PGM2: variants seen among roughly 807,000 people sequenced by gnomAD.
PGM2 encodes phosphopentomutase.
PGM2 carries 57 observed loss-of-function variants against 74.6 expected under a neutral mutation model. The observed-to-expected ratio is 0.76, with a 90% CI of 0.62 to 0.95. The LOEUF (loss-of-function observed/expected upper bound fraction) is 0.95. Ranked by LOEUF, PGM2 falls within the 40% of genes least tolerant of loss-of-function variation. PGM2 has a pLI of 0.00. For synonymous variants in PGM2, 273 were observed against 260.7 expected, an observed-to-expected ratio of 1.05 and a Z score of -0.46; for missense variants, 706 against 741.9, an observed-to-expected ratio of 0.95 and a Z score of 0.56.
intron 7 of PGM2, 24 bp from the exon 8 acceptor site, chr4:37,845,609 T>A: frequency 6.8e-7 from 1 of 1,481,328 alleles, no homozygotes; most frequent in Non-Finnish European, 9.4e-7. Context: ...TTAAATAATC[T>A]TTTATTTTCA....
At chr4:37,853,628 C>T (rs376957385) in intron 12 of PGM2, among the ~76,000 whole-genome samples, 1 of 152,094 alleles carries the variant, frequency 6.6e-6, no homozygotes, top group East Asian at 1.9e-4. Context: ...ACATACTTCA[C>T]TCAGAGGATA....
At chr4:37,830,160 C>T (rs755451900) in intron 2 of PGM2, 29 bp downstream of exon 2, 1 of 1,416,342 alleles carries the variant, frequency 7.1e-7, no homozygotes, top group Non-Finnish European at 9.5e-7. Context: ...TTCTTAGTAA[C>T]TCAATGTATC....
rs1447990329 is a variant in PGM2 at position 37,861,654 on chromosome 4, A to G, written c.*42A>G. Reference sequence around the variant, plus strand: ...GTATACTTGCATTTACCTACAATTAAGCTGGGTTTAACTTGTTAAGCAATA... The same window carrying G: ...GTATACTTGCATTTACCTACAATTAGGCTGGGTTTAACTTGTTAAGCAATA... On this transcript the variant is annotated 3_prime_UTR_variant, in exon 14 of 14. Transcript: ENST00000381967. 8.0e-7 allele frequency: 1 copy of G among 1,255,320 alleles called. No homozygotes were observed. Among genetic ancestry groups the G allele is most frequent in the Non-Finnish European group, 1.2e-6 (1 of 852,994 alleles). 77.8% of individuals were successfully genotyped at this position (1,255,320 alleles called of 1,614,324 possible).
intron 13 of PGM2, among the ~76,000 whole-genome samples, chr4:37,857,692 A>G (rs1275552437): frequency 6.6e-6 from 1 of 152,184 alleles, no homozygotes; most frequent in Non-Finnish European, 1.5e-5. Flanking sequence ...GGACTATGTA[A>G]TATATTTTCA....
intron 6 of PGM2, among the ~76,000 whole-genome samples, chr4:37,840,877 A>G (rs201143492): frequency 1.3e-5 from 2 of 151,984 alleles, no homozygotes; most frequent in Non-Finnish European, 2.9e-5. Flanking sequence ...TGGCTTGCCC[A>G]TAGGCCATAG....
At chr4:37,842,106 T>A (rs57742770) in intron 6 of PGM2, among the ~76,000 whole-genome samples, 12,424 of 151,178 alleles carry the variant, frequency 0.082, 974 homozygotes, top group East Asian at 0.19. Context: ...TAACCTATAT[T>A]TTCTATGTGT....
At chr4:37,827,338 T>TC (rs1193950762) in intron 1 of PGM2, among the ~76,000 whole-genome samples, 1 of 151,944 alleles carries the variant, frequency 6.6e-6, no homozygotes, top group Non-Finnish European at 1.5e-5. Flanking sequence ...GCTTCAGGAG[T>TC]CCCCCTTAGA....
intron 6 of PGM2, 147 bp downstream of exon 6, chr4:37,840,406 CAG>C: frequency 1.7e-6 from 1 of 602,666 alleles, no homozygotes; most frequent in Non-Finnish European, 2.9e-6. Flanking sequence ...TATTTTGAGA[CAG>C]GGTCTCACTG....
chr4:37,847,317 T>G, intron 10 of PGM2, 22 bp downstream of exon 10: 1 of 1,524,414 alleles, frequency 6.6e-7, no homozygotes, highest in African/African-American at 1.4e-5. Flanking sequence ...TCATGAACAT[T>G]AAGGAATTGG....
At chr4:37,829,585 C>T (rs950104766) in intron 1 of PGM2, among the ~76,000 whole-genome samples, 2 of 152,072 alleles carry the variant, frequency 1.3e-5, no homozygotes, top group South Asian at 2.1e-4. Flanking sequence ...CCTTAAAAAT[C>T]GTGTAAGGGA....
intron 13 of PGM2, among the ~76,000 whole-genome samples, chr4:37,859,326 A>G (rs1438172516): frequency 6.6e-6 from 1 of 152,200 alleles, no homozygotes; most frequent in Non-Finnish European, 1.5e-5. Flanking sequence ...CCAGTGGACC[A>G]ACAGAAGCAG....
chr4:37,839,096 T>C (rs866206708), intron 4 of PGM2, among the ~76,000 whole-genome samples: 13 of 150,402 alleles, frequency 8.6e-5, no homozygotes, highest in African/African-American at 3.2e-4. Flanking sequence ...GTAAGAGCAT[T>C]CTCCATTCCC....
intron 12 of PGM2, among the ~76,000 whole-genome samples, chr4:37,852,695 A>G (rs1351132461): frequency 6.6e-6 from 1 of 152,160 alleles, no homozygotes; most frequent in Non-Finnish European, 1.5e-5. Context: ...GTTAAGGCCT[A>G]CTGTATGCTG....
intron 12 of PGM2, among the ~76,000 whole-genome samples, chr4:37,852,586 T>G (rs1049466627): frequency 5.3e-5 from 8 of 152,354 alleles, no homozygotes; most frequent in African/African-American, 1.9e-4. Flanking sequence ...TATTCTGTCC[T>G]CACACTTCAC....
chr4:37,845,833 C>A, intron 8 of PGM2, 103 bp downstream of exon 8: 1 of 768,988 alleles, frequency 1.3e-6, no homozygotes, highest in Non-Finnish European at 2.2e-6. Context: ...AAACATTTCC[C>A]ATTTATTTTG....
intron 1 of PGM2, among the ~76,000 whole-genome samples, chr4:37,828,625 A>T (rs564840819): frequency 2.5e-3 from 388 of 152,292 alleles, no homozygotes; most frequent in Non-Finnish European, 4.6e-3. Flanking sequence ...TTGACTTGTC[A>T]TTCTTACCTG....
chr4:37,838,290 AT>A (rs1725622563), intron 4 of PGM2, among the ~76,000 whole-genome samples: 1 of 152,292 alleles, frequency 6.6e-6, no homozygotes, highest in Admixed American at 6.5e-5. Flanking sequence ...TGTCATGAAT[AT>A]TTTTGACAAG....
chr4:37,827,273 C>G (rs1300319177), intron 1 of PGM2, among the ~76,000 whole-genome samples: 1 of 152,218 alleles, frequency 6.6e-6, no homozygotes, highest in African/African-American at 2.4e-5. Flanking sequence ...TCCGGTCCTC[C>G]CATCCCGAGG....
At chr4:37,857,034 G>A (rs1711544589) in intron 13 of PGM2, among the ~76,000 whole-genome samples, 1 of 151,816 alleles carries the variant, frequency 6.6e-6, no homozygotes, top group South Asian at 2.1e-4. Context: ...ATTTTTATCA[G>A]AAATACTTGA....
Sources: gnomAD v4.1 joint callset for allele counts (sites outside exome capture counted in the v4.1 genomes callset) on GRCh38, gnomAD v4.1.1 for gene constraint, MANE v1.5 for transcripts, NCBI Gene and HGNC (gene_info 2026-07-23, HGNC 2026-07-21) for gene names.